The following TEP1 variants were observed in gnomAD, a reference collection of about 807,000 sequenced individuals.
TEP1 encodes the protein telomerase associated protein 1, also known as telomerase protein component 1.
A neutral mutation model predicts 306.3 loss-of-function variants in TEP1; 241 were observed. That is an observed-to-expected ratio of 0.79 (90% CI 0.71 to 0.88). The LOEUF is 0.88. Ranked by LOEUF, TEP1 falls within the 40% of genes least tolerant of loss-of-function variation. TEP1 has a pLI of 0.00. For missense variants in TEP1, 3,051 were observed against 3,276.1 expected (o/e 0.93, Z 1.68); for synonymous variants, 1,289 against 1,305.5 (o/e 0.99, Z 0.27).
rs1876480483 is a variant in TEP1 at position 20,381,069 on chromosome 14, T to G, written c.4648-24A>C. On this transcript the variant is annotated intron_variant, in intron 32 of 54. Coordinates refer to ENST00000262715, the MANE Select transcript of TEP1 (RefSeq NM_007110.5). This position sits in a 1 kb window ranked among gnomAD's most constrained non-coding sequence, Gnocchi z 4.0. ...AGCTGAGAAGGTCAGATTGAATTCA[T>G]TAGGGATATGAAGGGGCTGGTGAGA... is the stretch of plus-strand genomic sequence containing the variant. 1 of 1,592,338 alleles carries G rather than the reference T, an allele frequency of 6.3e-7. No homozygotes were observed. Among genetic ancestry groups the G allele is most frequent in the Non-Finnish European group, 8.6e-7 (1 of 1,160,382 alleles).
intron 37 of TEP1, 78 bp from the exon 38 acceptor site, chr14:20,378,613 C>T: frequency 6.2e-7 from 1 of 1,601,448 alleles, no homozygotes; most frequent in South Asian, 1.1e-5. Context: ...CAGGAGCAAC[C>T]TTGTCCAGTT....
chr14:20,381,961 T>A lies in TEP1; in HGVS notation c.4376A>T (p.Asp1459Val), dbSNP rs1184269663. The A allele has an allele frequency of 4.3e-6, 7 of 1,613,730 alleles. No homozygotes were observed. In the East Asian group the frequency reaches 1.6e-4, roughly 36 times the overall value. The change falls in exon 30 of 55, where the codon GAC becomes GTC. Residue 1459 changes from aspartate to valine, a missense_variant. Around this residue, in one of 3 missense-constraint regions of TEP1, gnomAD observed 1,540 missense variants for 1,705.9 expected, o/e 0.90. Coordinates refer to ENST00000262715, the MANE Select transcript of TEP1 (RefSeq NM_007110.5). The surrounding 1 kb of genome is among the most constrained non-coding windows in gnomAD (Gnocchi z 4.0). ...GGCAAACGGGCCCATGGGGTAGGGG[T>A]CTCCACTGTTACCAGCAGCCACTGC... is the stretch of plus-strand genomic sequence containing the variant. ...EEAVAAGNSGDPYPMGPFACL... is the reference protein window; with the variant it reads ...EEAVAAGNSGVPYPMGPFACL...
intron 9 of TEP1, among the ~76,000 whole-genome samples, chr14:20,397,178 T>A (rs923915169): frequency 6.6e-6 from 1 of 152,226 alleles, no homozygotes; most frequent in Non-Finnish European, 1.5e-5. Context: ...TATTATCTAG[T>A]CTAGAGCAAA....
intron 51 of TEP1, among the ~76,000 whole-genome samples, chr14:20,370,162 C>T (rs1437045962): frequency 6.6e-6 from 1 of 152,214 alleles, no homozygotes; most frequent in Non-Finnish European, 1.5e-5. Flanking sequence ...GATCCACTGG[C>T]CTTGGCCTCC....
At chr14:20,375,686 G>T in intron 43 of TEP1, 69 bp downstream of exon 43, 1 of 952,200 alleles carries the variant, frequency 1.1e-6, no homozygotes, top group Non-Finnish European at 1.7e-6. Flanking sequence ...GAAAAAGGAC[G>T]AGGTGGGGAG....
chr14:20,384,916 T>A, intron 21 of TEP1, 69 bp downstream of exon 21: 1 of 1,607,192 alleles, frequency 6.2e-7, no homozygotes, highest in Non-Finnish European at 8.5e-7. Flanking sequence ...CTCTGAATAC[T>A]GAGGAGAGAA....
At chr14:20,400,038 C>A (rs2319194) in intron 9 of TEP1, among the ~76,000 whole-genome samples, 44,182 of 151,020 alleles carry the variant, frequency 0.29, 7,806 homozygotes, top group Non-Finnish European at 0.4. Flanking sequence ...CGCCTGTAAT[C>A]CCAGCTACTC....
Position 20,382,042 on chromosome 14 carries a change from T to G in TEP1, c.4295A>C (p.His1432Pro). ...TGTCCGCCACACACTCAGCACTCCG[T>G]GCAGCTGGTCCACAGTCAAACCTGA... ...TRSGLTVDQL[H>P]GVLSVWRTLP... Residue 1432 changes from histidine (H) to proline (P), a missense_variant, in exon 30 of 55, where the codon CAC (histidine) becomes CCC (proline). Physicochemically the swap from His to Pro is moderately conservative, Grantham distance 77. Around this residue, in one of 3 missense-constraint regions of TEP1, gnomAD observed 1,540 missense variants for 1,705.9 expected, o/e 0.90. Transcript: ENST00000262715. 6.2e-7 allele frequency: 1 copy of G among 1,614,146 alleles called. No homozygotes were observed.
chr14:20,384,538 G>C (rs753121851), intron 22 of TEP1, 30 bp from the exon 23 acceptor site: 2 of 1,613,970 alleles, frequency 1.2e-6, no homozygotes, highest in Non-Finnish European at 8.5e-7. Flanking sequence ...AACCAGGTCA[G>C]AGCAGGCCCG....
rs949659669 is a variant in TEP1, at chr14:20,373,549, G to A, written c.6639C>T (p.Thr2213=). ...GQPGSELLVV[T]VGLDGATRLW... ...ACCGTGTGGCCCCATCTAGCCCGAC[G>A]GTTACCACCAGAAGCTCTGACCCAG... The change falls in exon 46 of 55, where the codon ACC becomes ACT. Residue 2213 remains threonine (T), a synonymous_variant. Transcript: ENST00000262715. The A allele has an allele frequency of 8.7e-6, 14 of 1,614,032 alleles. No individual in the cohort carries two copies. Among genetic ancestry groups the A allele is most frequent in the African/African-American group, 6.7e-5 (5 of 74,914 alleles).
At chr14:20,371,706 T>G (rs1299422343) in intron 49 of TEP1, 74 bp from the exon 50 acceptor site, 6 of 1,475,642 alleles carry the variant, frequency 4.1e-6, no homozygotes, top group Non-Finnish European at 5.4e-6. Context: ...CAATCCCACA[T>G]GAATTCCTCA....
rs756185396 is a variant in TEP1, at chr14:20,383,858, A to C, written c.3595T>G (p.Phe1199Val). The C allele has an allele frequency of 6.9e-6, 11 of 1,604,518 alleles. No individual in the cohort carries two copies. The highest frequency in any genetic ancestry group is 7.6e-6 in the Non-Finnish European group (9 of 1,179,316). The change falls in exon 25 of 55, where the codon TTC becomes GTC. Residue 1199 changes from phenylalanine to valine, a missense_variant. Phe to Val is a conservative substitution (Grantham distance 50). This residue lies in a region of TEP1 where 1,507 missense variants were observed against 1,550.5 expected (regional missense o/e 0.97). Transcript: ENST00000262715. ...TCAGGACGAGCCCCAGAAAAGTGGA[A>C]GAAGACTAATGATGCCACCTTGGCC... is the stretch of plus-strand genomic sequence containing the variant. The part of the protein sequence containing the change: ...DGAKVASLVF[F>V]HFSGARPDQG...
rs1266287997 is a variant in TEP1, at chr14:20,383,857, A to C, written c.3596T>G (p.Phe1199Cys). The C allele has an allele frequency of 6.2e-7, 1 of 1,604,416 alleles. No homozygotes were observed. Among genetic ancestry groups the C allele is most frequent in the Non-Finnish European group, 8.5e-7 (1 of 1,179,274 alleles). Residue 1199 changes from phenylalanine (F) to cysteine (C), a missense_variant, in exon 25 of 55, where the codon TTC (phenylalanine) becomes TGC (cysteine). Transcript: ENST00000262715. Reference protein sequence around the residue: ...DGAKVASLVFFHFSGARPDQG... With the variant: ...DGAKVASLVFCHFSGARPDQG... ...GTCAGGACGAGCCCCAGAAAAGTGG[A>C]AGAAGACTAATGATGCCACCTTGGC...
intron 43 of TEP1, 67 bp downstream of exon 43, chr14:20,375,688 G>T: frequency 1.0e-6 from 1 of 981,398 alleles, no homozygotes; most frequent in Non-Finnish European, 1.6e-6. Context: ...AAAAGGACGA[G>T]GTGGGGAGTG....
Position 20,407,862 on chromosome 14 carries a change from G to A in TEP1, c.567+11C>T. 1 of 1,577,538 alleles carries A rather than the reference G, an allele frequency of 6.3e-7. No homozygotes were observed. Among genetic ancestry groups the A allele is most frequent in the Admixed American group, 1.8e-5 (1 of 54,778 alleles). On this transcript the variant is annotated intron_variant, in intron 2 of 54. Transcript: ENST00000262715. ...ATGGCTGGAGTCAAGATGAGTGCCT[G>A]GAGCTATTACCAAAGTTGCTTCCTG...
chr14:20,391,601 C>T lies in TEP1; in HGVS notation c.2095G>A (p.Gly699Arg). The change falls in exon 13 of 55, where the codon GGG becomes AGG. Residue 699 changes from glycine to arginine, a missense_variant and splice_region_variant. This residue lies in a region of TEP1 where 1,507 missense variants were observed against 1,550.5 expected (regional missense o/e 0.97). Coordinates refer to ENST00000262715, the MANE Select transcript of TEP1 (RefSeq NM_007110.5). ...GAGGATGCTTTTTGTTTTCTTACCC[C>T]TTGTGGGTTGCTCTTTGGACAGAGC... ...DRLCPKSNPQGPPLNYALLLI... is the reference protein window; with the variant it reads ...DRLCPKSNPQRPPLNYALLLI... 3 of 1,612,648 alleles carry T rather than the reference C, an allele frequency of 1.9e-6. No homozygotes were observed. Among genetic ancestry groups the T allele is most frequent in the Non-Finnish European group, 2.5e-6 (3 of 1,179,168 alleles).
At chr14:20,374,090 CTT>C (rs199996170) in intron 44 of TEP1, among the ~76,000 whole-genome samples, 19 of 142,142 alleles carry the variant, frequency 1.3e-4, no homozygotes, top group Admixed American at 2.1e-4. Context: ...TTCTTTTTCT[CTT>C]TTTTTTTTTT....
rs1201162294 is a variant in TEP1 at position 20,369,627 on chromosome 14, AC to A, written c.7423+46del. 3.7e-6 allele frequency: 6 copies of A among 1,612,550 alleles called. No individual in the cohort carries two copies. The East Asian group carries it at 8.9e-5, about 24-fold the overall frequency. The stretch of plus-strand genomic sequence containing the variant: ...GCCAAGTCTCAGGGATCTGCCATCC[AC>A]CCTGGGCCATCTCCCGGCTCCTCAG... On this transcript the variant is annotated intron_variant, in intron 52 of 54. Transcript: ENST00000262715.
At chr14:20,380,907 A>G in intron 33 of TEP1, 24 bp downstream of exon 33, 1 of 1,599,288 alleles carries the variant, frequency 6.3e-7, no homozygotes, top group Non-Finnish European at 8.6e-7. Flanking sequence ...CTCAGAGAAG[A>G]ACCCAGCCAG....
Sources: gnomAD v4.1 joint callset for allele counts (sites outside exome capture counted in the v4.1 genomes callset) on GRCh38, gnomAD v4.1.1 for gene constraint, gnomAD v4.1.1 regional missense constraint, Gnocchi (gnomAD v3.1) non-coding constraint, MANE v1.5 for transcripts, NCBI Gene and HGNC (gene_info 2026-07-23, HGNC 2026-07-21) for gene names.